The following HAUS1 variants were observed in gnomAD, a reference collection of about 807,000 sequenced individuals.
The protein encoded by HAUS1 is HAUS augmin-like complex subunit 1.
A neutral mutation model predicts 38.6 loss-of-function variants in HAUS1; 25 were observed. The ratio of observed to expected loss-of-function variants is 0.65; its 90% CI spans 0.47 to 0.91. HAUS1 has a LOEUF of 0.91. Ranked by LOEUF, HAUS1 falls within the 40% of genes least tolerant of loss-of-function variation. The pLI is 0.00. For missense variants in HAUS1, 325 were observed against 328.4 expected, an observed-to-expected ratio of 0.99 and a Z score of 0.08; for synonymous variants, 109 against 112.9, an observed-to-expected ratio of 0.97 and a Z score of 0.22.
intron 1 of HAUS1, 53 bp downstream of exon 1, chr18:46,104,494 A>AC: frequency 7.2e-7 from 1 of 1,396,050 alleles, no homozygotes; most frequent in South Asian, 1.6e-5. Flanking sequence ...CGTTTTTGAC[A>AC]CCCCCGCGCC....
chr18:46,118,149 A>G lies in HAUS1; in HGVS notation c.206-32A>G, dbSNP rs768075878. ...CTGTTAAAAATTTTTAAAAAAGCAA[A>G]CAGTCACTATGGAACTCTTTCATGT... On this transcript the variant is annotated intron_variant, in intron 2 of 8. Transcript: ENST00000282058. 80 of 1,606,242 alleles carry G rather than the reference A, an allele frequency of 5.0e-5. 1 individual carries two copies. The South Asian group carries it at 5.6e-4, about 11-fold the overall frequency.
At position 46,118,291 on chromosome 18, in the gene HAUS1, G is replaced by A; in HGVS notation, c.316G>A (p.Glu106Lys). The change falls in exon 3 of 9, where the codon GAA becomes AAA. Residue 106 changes from glutamate to lysine, a missense_variant. Glu to Lys is a moderately conservative substitution (Grantham distance 56, BLOSUM62 1). Coordinates refer to ENST00000282058, the MANE Select transcript of HAUS1 (RefSeq NM_138443.4). ...TTTGGTTGACAGTGCGGTGGCCCTT[G>A]AAACAAAGGATACCTCGCTAGCTAG... is the stretch of plus-strand genomic sequence containing the variant. Reference protein sequence around the residue: ...NALVDSAVALETKDTSLASFI... With the variant: ...NALVDSAVALKTKDTSLASFI... 1.2e-6 allele frequency: 2 copies of A among 1,613,518 alleles called. No individual in the cohort carries two copies. The highest frequency in any genetic ancestry group is 2.2e-5 in the South Asian group (2 of 91,046).
intron 4 of HAUS1, 57 bp downstream of exon 4, chr18:46,120,117 T>C: frequency 7.9e-7 from 1 of 1,270,904 alleles, no homozygotes; most frequent in Non-Finnish European, 1.1e-6. Context: ...AATAGGACAT[T>C]GTCAAATTTA....
At chr18:46,105,509 G>GTAGTAACTT in intron 2 of HAUS1, 141 bp downstream of exon 2, 1 of 636,450 alleles carries the variant, frequency 1.6e-6, no homozygotes, top group Non-Finnish European at 2.7e-6. Context: ...CTCTGTTATA[G>GTAGTAACTT]TAGTAACTTT....
At chr18:46,106,848 C>G (rs915427184) in intron 2 of HAUS1, 1 of 152,054 alleles carries the variant, frequency 6.6e-6, no homozygotes, top group Non-Finnish European at 1.5e-5. Flanking sequence ...AACCCCGTCT[C>G]TACTAAAAAT....
intron 2 of HAUS1, among the ~76,000 whole-genome samples, chr18:46,107,522 C>T (rs952029725): frequency 4.6e-5 from 7 of 152,260 alleles, no homozygotes; most frequent in African/African-American, 1.7e-4. Flanking sequence ...TCTGATAGCT[C>T]TATGCATCAT....
At chr18:46,109,122 G>A (rs542289823) in intron 2 of HAUS1, among the ~76,000 whole-genome samples, 8 of 151,354 alleles carry the variant, frequency 5.3e-5, no homozygotes, top group African/African-American at 9.7e-5. Flanking sequence ...ACAGTTCCAC[G>A]TAGCTGAGGA....
At chr18:46,108,274 T>C (rs1431705724) in intron 2 of HAUS1, among the ~76,000 whole-genome samples, 6 of 149,268 alleles carry the variant, frequency 4.0e-5, no homozygotes, top group South Asian at 2.1e-4. Context: ...TTTACTTCTT[T>C]TTTTTTTTTT....
intron 2 of HAUS1, among the ~76,000 whole-genome samples, chr18:46,110,333 GTTTTT>G (rs71160713): frequency 4.0e-5 from 2 of 49,994 alleles, no homozygotes; most frequent in Admixed American, 2.7e-4. Flanking sequence ...TTTTTTTAAG[GTTTTT>G]TTTTTTTTTT....
At chr18:46,111,393 C>T (rs1460785731) in intron 2 of HAUS1, among the ~76,000 whole-genome samples, 2 of 152,102 alleles carry the variant, frequency 1.3e-5, no homozygotes, top group Non-Finnish European at 2.9e-5. Flanking sequence ...AGCTTGATCT[C>T]GGCTCACTGC....
intron 3 of HAUS1, 166 bp downstream of exon 3, chr18:46,118,482 T>C: frequency 1.6e-6 from 1 of 607,212 alleles, no homozygotes; most frequent in East Asian, 2.8e-5. Flanking sequence ...TGGATAAATA[T>C]GGTATTGGTT....
At chr18:46,112,227 CATATATATATA>C (rs1911654076) in intron 2 of HAUS1, among the ~76,000 whole-genome samples, 1 of 140,020 alleles carries the variant, frequency 7.1e-6, no homozygotes, top group East Asian at 2.0e-4. Context: ...CTTTGGCTTC[CATATATATATA>C]ATATATATAT....
At chr18:46,119,006 T>G (rs893725982) in intron 3 of HAUS1, among the ~76,000 whole-genome samples, 1 of 151,756 alleles carries the variant, frequency 6.6e-6, no homozygotes, top group Non-Finnish European at 1.5e-5. Context: ...TAGCTGGGAT[T>G]ACAGGCGCCT....
At chr18:46,117,383 G>A (rs1346483749) in intron 2 of HAUS1, among the ~76,000 whole-genome samples, 2 of 152,300 alleles carry the variant, frequency 1.3e-5, no homozygotes, top group East Asian at 3.9e-4. Flanking sequence ...TACATGCTGT[G>A]GCATGGATGA....
At chr18:46,107,993 C>T (rs565466444) in intron 2 of HAUS1, among the ~76,000 whole-genome samples, 15 of 152,256 alleles carry the variant, frequency 9.9e-5, no homozygotes, top group Admixed American at 8.5e-4. Flanking sequence ...GTGCACACCA[C>T]GTGCCTGGCT....
At chr18:46,118,137 TTAAAA>T (rs1319748978) in intron 2 of HAUS1, 39 bp from the exon 3 acceptor site, 1 of 1,604,004 alleles carries the variant, frequency 6.2e-7, no homozygotes, top group South Asian at 1.1e-5. Flanking sequence ...TTAAAAATTT[TTAAAA>T]AAGCAAACAG....
At chr18:46,114,991 C>T (rs970332456) in intron 2 of HAUS1, 1 of 152,210 alleles carries the variant, frequency 6.6e-6, no homozygotes, top group African/African-American at 2.4e-5. Flanking sequence ...GTCAGCCCAA[C>T]TCCCACACTA....
intron 8 of HAUS1, chr18:46,126,564 A>G (rs1912110713): frequency 1.3e-5 from 2 of 151,982 alleles, no homozygotes; most frequent in South Asian, 4.1e-4. Flanking sequence ...TAGGGACCAC[A>G]GAAAGCTGCT....
intron 1 of HAUS1, 127 bp downstream of exon 1, chr18:46,104,568 T>C (rs1364325606): frequency 1.4e-5 from 11 of 766,562 alleles, no homozygotes; most frequent in Non-Finnish European, 2.1e-5. Context: ...CATCCGTCTT[T>C]TAGTGCCGCC....
Sources: gnomAD v4.1 joint callset for allele counts (sites outside exome capture counted in the v4.1 genomes callset) on GRCh38, gnomAD v4.1.1 for gene constraint, MANE v1.5 for transcripts, NCBI Gene and HGNC (gene_info 2026-07-23, HGNC 2026-07-21) for gene names.